Variants in RRM1 observed in about 807,000 individuals in gnomAD.
RRM1 encodes the protein ribonucleoside-diphosphate reductase large subunit.
A neutral mutation model predicts 101.5 loss-of-function variants in RRM1; 19 were observed. The ratio of observed to expected loss-of-function variants is 0.19; its 90% CI spans 0.13 to 0.27. The LOEUF (loss-of-function observed/expected upper bound fraction) is 0.27. Among genes scored for constraint, RRM1 ranks in the 10% least tolerant of loss-of-function variants. RRM1 has a pLI of 1.00. For missense variants in RRM1, 500 were observed against 962.9 expected (o/e 0.52, Z 6.36); for synonymous variants, 298 against 323.4 (o/e 0.92, Z 0.84).
chr11:4,129,270 A>C, intron 15 of RRM1, 120 bp downstream of exon 15: 1 of 567,826 alleles, frequency 1.8e-6, no homozygotes, highest in Non-Finnish European at 3.1e-6. Context: ...AATGGGGCTA[A>C]AATGGCCTAT....
chr11:4,121,578 G>A (rs1408298766), intron 9 of RRM1, 26 bp from the exon 10 acceptor site: 4 of 1,563,144 alleles, frequency 2.6e-6, no homozygotes, highest in Non-Finnish European at 3.5e-6. Context: ...TTATTCTGAA[G>A]AGAATTATGA....
intron 7 of RRM1, among the ~76,000 whole-genome samples, chr11:4,112,734 G>A (rs1291708924): frequency 6.6e-6 from 1 of 152,158 alleles, no homozygotes; most frequent in Non-Finnish European, 1.5e-5. Flanking sequence ...GACTCTTATA[G>A]CAGTTTATAT....
chr11:4,095,394 C>T (rs1338702076), intron 1 of RRM1, among the ~76,000 whole-genome samples: 2 of 18,062 alleles, frequency 1.1e-4, no homozygotes, highest in African/African-American at 1.6e-4. Context: ...AACTGACGCT[C>T]AGAGCGAGGT....
chr11:4,118,634 T>C (rs1210791220), intron 8 of RRM1, among the ~76,000 whole-genome samples, 173 bp downstream of exon 8: 2 of 152,198 alleles, frequency 1.3e-5, no homozygotes, highest in African/African-American at 2.4e-5. Flanking sequence ...TCATCTATGA[T>C]ATTAGATATT....
At chr11:4,116,840 A>G (rs1445080435) in intron 7 of RRM1, among the ~76,000 whole-genome samples, 1 of 151,926 alleles carries the variant, frequency 6.6e-6, no homozygotes, top group African/African-American at 2.4e-5. Flanking sequence ...GGTGGTGCAC[A>G]CCTGTAGATT....
chr11:4,135,908 T>C (rs2094608858), intron 18 of RRM1, among the ~76,000 whole-genome samples: 2 of 150,770 alleles, frequency 1.3e-5, no homozygotes, highest in Non-Finnish European at 2.9e-5. Context: ...GGATACTGAA[T>C]AGAAGATGAT....
At chr11:4,099,016 T>C (rs2094547206) in intron 1 of RRM1, among the ~76,000 whole-genome samples, 1 of 152,234 alleles carries the variant, frequency 6.6e-6, no homozygotes. Context: ...TTAGAAAGTT[T>C]GTATCCTGTG....
intron 7 of RRM1, 55 bp downstream of exon 7, chr11:4,112,117 TTCA>T: frequency 7.3e-7 from 1 of 1,361,882 alleles, no homozygotes; most frequent in Admixed American, 2.1e-5. Context: ...GGGCAGTTAG[TTCA>T]TCACATAAAA....
At chr11:4,100,718 G>T (rs1251613911) in intron 1 of RRM1, among the ~76,000 whole-genome samples, 1 of 152,144 alleles carries the variant, frequency 6.6e-6, no homozygotes, top group African/African-American at 2.4e-5. Flanking sequence ...AGGTATAGTT[G>T]TAACTATGCC....
At chr11:4,107,378 A>G in intron 3 of RRM1, 57 bp from the exon 4 acceptor site, 1 of 1,166,982 alleles carries the variant, frequency 8.6e-7, no homozygotes, top group Non-Finnish European at 1.3e-6. Context: ...TTACCTAAAG[A>G]TTGAATTAGC....
chr11:4,121,580 G>T (rs1402745362), intron 9 of RRM1, 24 bp from the exon 10 acceptor site: 2 of 1,579,832 alleles, frequency 1.3e-6, no homozygotes, highest in East Asian at 2.3e-5. Flanking sequence ...ATTCTGAAGA[G>T]AATTATGATT....
At chr11:4,094,743 G>C (rs973202818), upstream of RRM1, 4 of 567,758 alleles carry the variant, frequency 7.0e-6, no homozygotes, top group Non-Finnish European at 1.3e-5. Flanking sequence ...AGTCTGTGAA[G>C]CCTACCCCGG....
rs531691649 is a variant in RRM1 at position 4,099,711 on chromosome 11, T to G, written c.20-2282T>G. ...TGAGAGAAGAGGATAATGTAGGCAG[T>G]GAGAAGCAGGGATTAGTGATGTGAT... On this transcript the variant is annotated intron_variant, in intron 1 of 18. Coordinates refer to ENST00000300738, the MANE Select transcript of RRM1 (RefSeq NM_001033.5). Among the ~76,000 whole-genome samples the G allele has an allele frequency of 7.9e-5, 12 of 152,166 alleles. No individual in the cohort carries two copies. In the South Asian group the frequency reaches 2.5e-3, roughly 32 times the overall value.
intron 4 of RRM1, among the ~76,000 whole-genome samples, chr11:4,108,408 C>G (rs139730918): frequency 0.027 from 4,104 of 151,964 alleles, 162 homozygotes; most frequent in African/African-American, 0.09. Flanking sequence ...ACCATCCTGG[C>G]TAACACGGTG....
At chr11:4,114,361 G>A (rs973648676) in intron 7 of RRM1, among the ~76,000 whole-genome samples, 2 of 151,724 alleles carry the variant, frequency 1.3e-5, no homozygotes, top group Non-Finnish European at 2.9e-5. Flanking sequence ...AGACCAACAG[G>A]GCCAACATGG....
chr11:4,136,466 T>C (rs1356160764), intron 18 of RRM1, among the ~76,000 whole-genome samples: 1 of 152,142 alleles, frequency 6.6e-6, no homozygotes, highest in Non-Finnish European at 1.5e-5. Flanking sequence ...GCAATTCACC[T>C]GCCTCGGCCT....
At chr11:4,120,287 A>G (rs1346849586) in intron 9 of RRM1, among the ~76,000 whole-genome samples, 2 of 152,134 alleles carry the variant, frequency 1.3e-5, no homozygotes, top group African/African-American at 2.4e-5. Flanking sequence ...CTTACATGAT[A>G]GTTCGTTTGC....
chr11:4,097,200 C>T (rs750018660), intron 1 of RRM1, among the ~76,000 whole-genome samples: 6 of 146,078 alleles, frequency 4.1e-5, no homozygotes, highest in Non-Finnish European at 5.9e-5. Flanking sequence ...GCAGGAGAAT[C>T]GCTTGAGCCT....
At chr11:4,096,821 A>G (rs1197735618) in intron 1 of RRM1, among the ~76,000 whole-genome samples, 1 of 151,974 alleles carries the variant, frequency 6.6e-6, no homozygotes, top group Non-Finnish European at 1.5e-5. Context: ...TCTATTTTTT[A>G]AATCTTTAGA....
Sources: gnomAD v4.1 joint callset for allele counts (sites outside exome capture counted in the v4.1 genomes callset) on GRCh38, gnomAD v4.1.1 for gene constraint, MANE v1.5 for transcripts, NCBI Gene and HGNC (gene_info 2026-07-23, HGNC 2026-07-21) for gene names.